RTN1: variants seen among roughly 807,000 people sequenced by gnomAD.
RTN1 encodes reticulon 1.
RTN1 carries 25 observed loss-of-function variants against 65.5 expected under a neutral mutation model. That is an observed-to-expected ratio of 0.38 (90% CI 0.28 to 0.53). The LOEUF (loss-of-function observed/expected upper bound fraction) is 0.53. RTN1 is among the 20% of genes least tolerant of loss of function. RTN1 has a pLI of 0.79. For missense variants in RTN1, 983 were observed against 1,025.4 expected (o/e 0.96, Z 0.57); for synonymous variants, 471 against 447.6 (o/e 1.05, Z -0.66).
intron 4 of RTN1, among the ~76,000 whole-genome samples, chr14:59,606,861 C>T (rs753878608): frequency 4.6e-5 from 7 of 151,854 alleles, no homozygotes; most frequent in Non-Finnish European, 1.0e-4. Flanking sequence ...CTAGAGAAAG[C>T]ATGGAAATAA....
In RTN1 at chr14:59,766,384, G is replaced by A. The variant is rs1401178431; in HGVS notation, c.242-19903C>T. Among the ~76,000 whole-genome samples the A allele has an allele frequency of 6.6e-6, 1 of 152,050 alleles. No individual in the cohort carries two copies. The highest frequency in any genetic ancestry group is 1.9e-4 in the East Asian group (1 of 5,192). ...TGTGTAGAAACAGGCCAGAGTCAAG[G>A]TATACTTTCTATTTTACCTTTGTTT... is the stretch of plus-strand genomic sequence containing the variant. On this transcript the variant is annotated intron_variant, in intron 1 of 8. Transcript: ENST00000267484. The surrounding 1 kb of genome is among the most constrained non-coding windows in gnomAD (Gnocchi z 4.4).
At chr14:59,666,962 C>CAAA (rs146213616) in intron 3 of RTN1, among the ~76,000 whole-genome samples, 37 of 60,124 alleles carry the variant, frequency 6.2e-4, no homozygotes, top group Middle Eastern at 0.016. Context: ...GCCGACCAAC[C>CAAA]AAAAAAAAAA....
chr14:59,806,208 C>T (rs1256386121), intron 1 of RTN1, among the ~76,000 whole-genome samples: 4 of 151,634 alleles, frequency 2.6e-5, no homozygotes, highest in Admixed American at 2.6e-4. Context: ...TGCACTCCAG[C>T]CTGGTGACAG....
chr14:59,664,856 C>T (rs1473449960), intron 3 of RTN1, among the ~76,000 whole-genome samples: 1 of 152,036 alleles, frequency 6.6e-6, no homozygotes, highest in African/African-American at 2.4e-5. Flanking sequence ...GGGATAAATG[C>T]CAGAGTGCAA....
chr14:59,779,601 G>A (rs770364684), intron 1 of RTN1, among the ~76,000 whole-genome samples: 1 of 151,894 alleles, frequency 6.6e-6, no homozygotes, highest in Non-Finnish European at 1.5e-5. Flanking sequence ...AATGGAAAAC[G>A]ATTCCTAGCA....
intron 3 of RTN1, among the ~76,000 whole-genome samples, chr14:59,624,484 C>G (rs1355901251): frequency 6.7e-6 from 1 of 148,258 alleles, no homozygotes; most frequent in Non-Finnish European, 1.5e-5. Context: ...TTTTTTGAGA[C>G]GGCGTCTTGC....
intron 3 of RTN1, among the ~76,000 whole-genome samples, chr14:59,638,638 T>A (rs1287263940): frequency 2.0e-5 from 3 of 152,336 alleles, no homozygotes; most frequent in Non-Finnish European, 2.9e-5. Flanking sequence ...AAGGCTTCTT[T>A]CCTTAACTCT....
intron 1 of RTN1, among the ~76,000 whole-genome samples, chr14:59,782,374 T>C (rs1422218331): frequency 2.6e-5 from 4 of 152,148 alleles, no homozygotes; most frequent in Admixed American, 6.5e-5. Context: ...AAGGAGAAAA[T>C]AGATTCACTT....
At chr14:59,714,703 T>G (rs1884497746) in intron 3 of RTN1, among the ~76,000 whole-genome samples, 1 of 152,206 alleles carries the variant, frequency 6.6e-6, no homozygotes, top group Admixed American at 6.5e-5. Context: ...AGGACTACGC[T>G]ACAGAAGAGC....
In RTN1 at chr14:59,736,961, A is replaced by G. The variant is rs532875862; in HGVS notation, c.1015+8747T>C. Among the ~76,000 whole-genome samples the G allele has an allele frequency of 2.0e-5, 3 of 152,370 alleles. No homozygotes were observed. In the South Asian group the frequency reaches 6.2e-4, roughly 32 times the overall value. On this transcript the variant is annotated intron_variant, in intron 2 of 8. Coordinates refer to ENST00000267484, the MANE Select transcript of RTN1 (RefSeq NM_021136.3). ...CAGAAAAGGTCTTCAATAAAATTCA[A>G]CATTCCTTCATATTAAAAACTGTCA...
chr14:59,686,463 C>T (rs1366053146), intron 3 of RTN1, among the ~76,000 whole-genome samples: 3 of 152,160 alleles, frequency 2.0e-5, no homozygotes, highest in South Asian at 2.1e-4. Flanking sequence ...GGATTGTTTT[C>T]CAAGATGGTG....
At chr14:59,614,168 G>A (rs1882040714) in intron 3 of RTN1, among the ~76,000 whole-genome samples, 1 of 152,162 alleles carries the variant, frequency 6.6e-6, no homozygotes, top group Admixed American at 6.5e-5. Flanking sequence ...AAAATGCAGG[G>A]TAGAAGCATT....
rs1367710295 is a variant in RTN1 at position 59,794,628 on chromosome 14, T to C, written c.242-48147A>G. Among the ~76,000 whole-genome samples, 1 of 152,246 alleles carries C rather than the reference T, an allele frequency of 6.6e-6. No homozygotes were observed. Among genetic ancestry groups the C allele is most frequent in the Non-Finnish European group, 1.5e-5 (1 of 68,050 alleles). On this transcript the variant is annotated intron_variant, in intron 1 of 8. Coordinates refer to ENST00000267484, the MANE Select transcript of RTN1 (RefSeq NM_021136.3). The surrounding 1 kb of genome is among the most constrained non-coding windows in gnomAD (Gnocchi z 5.1). ...TGGGAGCAAGGTTCTTTCCATCTTG[T>C]TGCCCTGTCACACCCAGGATGTGTT...
At chr14:59,841,415 G>A (rs34605172) in intron 1 of RTN1, among the ~76,000 whole-genome samples, 37,910 of 152,030 alleles carry the variant, frequency 0.25, 5,014 homozygotes, top group East Asian at 0.55. Flanking sequence ...TGCAAGACTC[G>A]CCAGGTGTGG....
At chr14:59,752,952 G>A (rs1220334735) in intron 1 of RTN1, among the ~76,000 whole-genome samples, 1 of 152,182 alleles carries the variant, frequency 6.6e-6, no homozygotes, top group Non-Finnish European at 1.5e-5. Context: ...GAGAGACCCA[G>A]TGTTTGTCTA....
chr14:59,727,011 G>A lies in RTN1; in HGVS notation c.1673C>T (p.Ser558Leu), dbSNP rs1384963177. The change falls in exon 3 of 9, where the codon TCG becomes TTG. Residue 558 changes from serine (S) to leucine (L), a missense_variant. This residue lies in a region of RTN1 where 818 missense variants were observed against 801.8 expected (regional missense o/e 1.02). Coordinates refer to ENST00000267484, the MANE Select transcript of RTN1 (RefSeq NM_021136.3). The surrounding 1 kb of genome is among the most constrained non-coding windows in gnomAD (Gnocchi z 4.2). Reference protein sequence around the residue: ...PMLPRKPEEDSSSNQSPAATK... With the variant: ...PMLPRKPEEDLSSNQSPAATK... Reference sequence around the variant, plus strand: ...GGCCGCAGGACTTTGGTTGGAACTCGAGTCTTCTTCAGGCTTCCGTGGCAA... The same window carrying A: ...GGCCGCAGGACTTTGGTTGGAACTCAAGTCTTCTTCAGGCTTCCGTGGCAA... 5 of 1,613,588 alleles carry A rather than the reference G, an allele frequency of 3.1e-6. No homozygotes were observed. Among genetic ancestry groups the A allele is most frequent in the Non-Finnish European group, 3.4e-6 (4 of 1,179,782 alleles).
At chr14:59,710,187 C>A (rs146958248) in intron 3 of RTN1, among the ~76,000 whole-genome samples, 6 of 151,904 alleles carry the variant, frequency 3.9e-5, no homozygotes, top group Admixed American at 3.9e-4. Flanking sequence ...GGAGTACAGG[C>A]GTGCACCACC....
intron 3 of RTN1, among the ~76,000 whole-genome samples, chr14:59,672,625 CTTTTTTTTTT>C (rs71111662): frequency 0.011 from 835 of 79,102 alleles, 11 homozygotes; most frequent in African/African-American, 0.034. Context: ...CAAGATATTT[CTTTTTTTTTT>C]TTTTTTTTTT....
chr14:59,631,219 C>T (rs1157909952), intron 3 of RTN1, among the ~76,000 whole-genome samples: 1 of 152,230 alleles, frequency 6.6e-6, no homozygotes, highest in African/African-American at 2.4e-5. Context: ...AAGCCTACTG[C>T]TCTGTCCCAG....
Sources: allele counts gnomAD v4.1 joint callset (sites outside exome capture counted in the v4.1 genomes callset), GRCh38; gene constraint gnomAD v4.1.1; regional missense constraint gnomAD v4.1.1; non-coding constraint Gnocchi (gnomAD v3.1); transcripts MANE v1.5; gene names NCBI Gene and HGNC (gene_info 2026-07-23, HGNC 2026-07-21).